The following RANBP2 variants were observed in gnomAD, a reference collection of about 807,000 sequenced individuals.
RANBP2 encodes the protein RAN binding protein 2, also known as E3 SUMO-protein ligase RanBP2.
In RANBP2, 57 loss-of-function variants were observed where a neutral mutation model predicts 303.6. The ratio of observed to expected loss-of-function variants is 0.19; its 90% CI spans 0.15 to 0.23. The LOEUF (loss-of-function observed/expected upper bound fraction) is 0.23. Ranked by LOEUF, RANBP2 falls within the 10% of genes least tolerant of loss-of-function variation. The pLI is 1.00. For missense variants in RANBP2, 3,138 were observed against 3,780.8 expected, an observed-to-expected ratio of 0.83 and a Z score of 4.46; for synonymous variants, 1,167 against 1,301.5, an observed-to-expected ratio of 0.90 and a Z score of 2.23.
the RANBP2 span, among the ~76,000 whole-genome samples, chr2:109,636,016 A>C: frequency 1.3e-5 from 2 of 152,216 alleles, no homozygotes; most frequent in South Asian, 4.1e-4. Flanking sequence ...GACTAGAATT[A>C]GTGCCCCTAC....
the RANBP2 span, among the ~76,000 whole-genome samples, chr2:109,381,183 G>T: frequency 6.6e-6 from 1 of 152,190 alleles, no homozygotes. Flanking sequence ...CTGGAAGTGT[G>T]TCAGCCTAGG....
chr2:109,121,463 A>T, the RANBP2 span, among the ~76,000 whole-genome samples: 1 of 152,234 alleles, frequency 6.6e-6, no homozygotes, highest in Admixed American at 6.5e-5. Flanking sequence ...TTAAAAGGTT[A>T]AACAGGTGCA....
chr2:109,478,612 C>A, the RANBP2 span, among the ~76,000 whole-genome samples: 1 of 152,208 alleles, frequency 6.6e-6, no homozygotes, highest in South Asian at 2.1e-4. Flanking sequence ...TTTCTGTCAA[C>A]TTTTCCTAAG....
the RANBP2 span, among the ~76,000 whole-genome samples, chr2:109,033,400 G>A: frequency 1.3e-5 from 2 of 152,104 alleles, no homozygotes; most frequent in Admixed American, 6.5e-5. Context: ...AGGTCCTGCC[G>A]CTCCCTGCAC....
chr2:109,156,421 G>C, the RANBP2 span, among the ~76,000 whole-genome samples: 1 of 152,132 alleles, frequency 6.6e-6, no homozygotes, highest in Admixed American at 6.5e-5. Flanking sequence ...ATTCAGGGGA[G>C]AGGATACACT....
At chr2:108,980,300 G>A in the RANBP2 span, among the ~76,000 whole-genome samples, 3 of 152,190 alleles carry the variant, frequency 2.0e-5, no homozygotes, top group South Asian at 4.1e-4. Context: ...GTCACATCCC[G>A]AAACCTCTGT....
chr2:109,726,995 T>TGGAA, the RANBP2 span, among the ~76,000 whole-genome samples: 1 of 152,300 alleles, frequency 6.6e-6, no homozygotes, highest in Middle Eastern at 3.4e-3. Context: ...ACTGGCTAGA[T>TGGAA]GGAAGCCCTA....
chr2:108,758,928 A>G (rs1052184959), intron 18 of RANBP2, among the ~76,000 whole-genome samples: 3 of 149,256 alleles, frequency 2.0e-5, no homozygotes, highest in African/African-American at 7.4e-5. Flanking sequence ...AGGACGTTAT[A>G]TAGGAAATCT....
chr2:109,539,591 G>A, the RANBP2 span, among the ~76,000 whole-genome samples: 3 of 151,964 alleles, frequency 2.0e-5, no homozygotes, highest in Non-Finnish European at 4.4e-5. Flanking sequence ...CTACAAGCAC[G>A]TGCCACCATG....
At chr2:109,450,988 GCT>G in the RANBP2 span, among the ~76,000 whole-genome samples, 1 of 152,192 alleles carries the variant, frequency 6.6e-6, no homozygotes, top group Non-Finnish European at 1.5e-5. Context: ...GACTCGGCGG[GCT>G]CTCTGCCCAT....
At chr2:109,013,698 A>G in the RANBP2 span, among the ~76,000 whole-genome samples, 2 of 151,082 alleles carry the variant, frequency 1.3e-5, no homozygotes, top group Non-Finnish European at 3.0e-5. Flanking sequence ...TCCTGCCTCA[A>G]CCTCCTGAGT....
At chr2:109,040,391 C>T in the RANBP2 span, among the ~76,000 whole-genome samples, 1 of 152,182 alleles carries the variant, frequency 6.6e-6, no homozygotes, top group East Asian at 1.9e-4. Context: ...AGAATAAACT[C>T]TCCCACCTTG....
chr2:109,471,023 C>T, the RANBP2 span, among the ~76,000 whole-genome samples: 1 of 151,900 alleles, frequency 6.6e-6, no homozygotes, highest in Non-Finnish European at 1.5e-5. Flanking sequence ...AGTTCGAGAC[C>T]AGCCCAGCCA....
chr2:109,240,536 A>G, the RANBP2 span, among the ~76,000 whole-genome samples: 4 of 152,284 alleles, frequency 2.6e-5, no homozygotes, highest in South Asian at 6.2e-4. Flanking sequence ...GTTGGGCTTG[A>G]TGGTCCCTAT....
At chr2:109,214,481 A>T in the RANBP2 span, among the ~76,000 whole-genome samples, 1 of 152,130 alleles carries the variant, frequency 6.6e-6, no homozygotes, top group African/African-American at 2.4e-5. Context: ...GAGAAAAAAA[A>T]AAAAAGGAGT....
At chr2:108,800,045 A>T in the RANBP2 span, among the ~76,000 whole-genome samples, 1 of 152,116 alleles carries the variant, frequency 6.6e-6, no homozygotes, top group South Asian at 2.1e-4. Flanking sequence ...GCATAGTTTA[A>T]AAACTATGTA....
the RANBP2 span, among the ~76,000 whole-genome samples, chr2:108,854,075 A>ATTTTATATAAT: frequency 1.6e-5 from 2 of 123,972 alleles, no homozygotes; most frequent in African/African-American, 6.8e-5. Context: ...TTTTATATAT[A>ATTTTATATAAT]ATATAATAAA....
chr2:108,734,178 C>G (rs1044178650), intron 4 of RANBP2, among the ~76,000 whole-genome samples: 8 of 150,998 alleles, frequency 5.3e-5, no homozygotes, highest in Non-Finnish European at 1.2e-4. Flanking sequence ...TAATGGGCGG[C>G]TTGGTCTTGA....
the RANBP2 span, chr2:108,882,106 A>G: frequency 1.3e-5 from 2 of 152,524 alleles, no homozygotes; most frequent in African/African-American, 4.8e-5. Context: ...GTGAGCTATG[A>G]TCACACCAAT....
Sources: allele counts gnomAD v4.1 joint callset (sites outside exome capture counted in the v4.1 genomes callset), GRCh38; gene constraint gnomAD v4.1.1; transcripts MANE v1.5; gene names NCBI Gene and HGNC (gene_info 2026-07-23, HGNC 2026-07-21).